NAV2: variants seen among roughly 807,000 people sequenced by gnomAD.
NAV2 encodes the protein helicase, APC down-regulated 1.
NAV2 carries 54 observed loss-of-function variants against 223.2 expected under a neutral mutation model. That is an observed-to-expected ratio of 0.24 (90% confidence interval 0.19 to 0.30). NAV2 has a LOEUF of 0.30. Among genes scored for constraint, NAV2 ranks in the 10% least tolerant of loss-of-function variants. The pLI is 1.00. For synonymous variants in NAV2, 1,279 were observed against 1,239.3 expected, an observed-to-expected ratio of 1.03 and a Z score of -0.67; for missense variants, 2,806 against 3,147.5, an observed-to-expected ratio of 0.89 and a Z score of 2.60.
intron 11 of NAV2, among the ~76,000 whole-genome samples, chr11:20,031,437 T>G (rs931844398): frequency 6.6e-6 from 1 of 152,224 alleles, no homozygotes; most frequent in African/African-American, 2.4e-5. Flanking sequence ...CCCATCTGAC[T>G]CTCAACCACA....
At chr11:19,732,541 T>C (rs1342357920) in intron 1 of NAV2, among the ~76,000 whole-genome samples, 1 of 152,132 alleles carries the variant, frequency 6.6e-6, no homozygotes, top group Non-Finnish European at 1.5e-5. Flanking sequence ...AATTATCAGG[T>C]GGAGAATGAA....
chr11:20,063,289 G>A (rs146745826), intron 20 of NAV2, among the ~76,000 whole-genome samples: 3 of 152,314 alleles, frequency 2.0e-5, no homozygotes, highest in East Asian at 1.9e-4. Flanking sequence ...TTTAGTAAAC[G>A]AAAGCCAAAT....
intron 1 of NAV2, among the ~76,000 whole-genome samples, chr11:19,714,712 G>A (rs2050147983): frequency 6.6e-6 from 1 of 152,152 alleles, no homozygotes; most frequent in Admixed American, 6.5e-5. Flanking sequence ...CGGGGCGTGG[G>A]GATGGGAGAT....
At chr11:19,681,190 G>A (rs1336980839) in intron 1 of NAV2, among the ~76,000 whole-genome samples, 1 of 152,366 alleles carries the variant, frequency 6.6e-6, no homozygotes, top group African/African-American at 2.4e-5. Context: ...GCCTGGCAGT[G>A]AGATTCTCTC....
At chr11:19,878,347 G>A (rs1245079533) in intron 4 of NAV2, among the ~76,000 whole-genome samples, 1 of 152,200 alleles carries the variant, frequency 6.6e-6, no homozygotes, top group Non-Finnish European at 1.5e-5. Context: ...GATGAATGAA[G>A]GACTTCACTG....
At chr11:19,607,175 T>A (rs951202899) in intron 1 of NAV2, among the ~76,000 whole-genome samples, 20 of 152,318 alleles carry the variant, frequency 1.3e-4, no homozygotes, top group Middle Eastern at 3.4e-3. Flanking sequence ...GCTCCTACCA[T>A]CCTTTCCAGT....
intron 1 of NAV2, among the ~76,000 whole-genome samples, chr11:19,686,648 A>T (rs1309605322): frequency 1.3e-5 from 2 of 152,218 alleles, no homozygotes; most frequent in African/African-American, 4.8e-5. Context: ...GGGCCTGCCC[A>T]GGTGGGGAGG....
intron 1 of NAV2, among the ~76,000 whole-genome samples, chr11:19,691,076 G>A (rs2049160637): frequency 6.6e-6 from 1 of 152,198 alleles, no homozygotes; most frequent in Non-Finnish European, 1.5e-5. Context: ...TGTAGGCTTT[G>A]CTACAGTAGA....
chr11:19,642,283 T>C (rs1407222009), intron 1 of NAV2, among the ~76,000 whole-genome samples: 1 of 152,212 alleles, frequency 6.6e-6, no homozygotes, highest in Non-Finnish European at 1.5e-5. Context: ...CCAGGGTGCT[T>C]CATCAGACCT....
chr11:20,044,923 G>T (rs1157051688), intron 13 of NAV2, 45 bp from the exon 14 acceptor site: 1 of 1,510,822 alleles, frequency 6.6e-7, no homozygotes, highest in Non-Finnish European at 9.0e-7. Context: ...AGATGGATGA[G>T]CTGGCTCTTG....
chr11:19,627,912 C>CAA lies in NAV2; in HGVS notation c.76-204557_76-204556dup, dbSNP rs72074806. 4.1e-4 allele frequency among the ~76,000 whole-genome samples: 49 copies of CAA among 119,512 alleles called. 1 individual carries two copies. The highest frequency in any genetic ancestry group is 1.8e-3 in the Admixed American group (20 of 11,382). The allele number at this position is 119,512 out of a possible 152,430, so 78.4% of individuals were successfully genotyped here. A position where few individuals can be genotyped will look rare whatever the true frequency, so the allele number is the denominator to read the frequency against. On this transcript the variant is annotated intron_variant, in intron 1 of 37. Transcript: ENST00000360655. ...ACCTGAGCCTTAGTTTCCTTGTTTTCAAAAAAAAAAAAAAAAGAAGAAGAA... is the reference window on the plus strand; with the variant it reads ...ACCTGAGCCTTAGTTTCCTTGTTTTCAAAAAAAAAAAAAAAAAAGAAGAAGAA...
At chr11:20,012,877 G>T (rs909580263) in intron 11 of NAV2, among the ~76,000 whole-genome samples, 1 of 152,246 alleles carries the variant, frequency 6.6e-6, no homozygotes, top group African/African-American at 2.4e-5. Context: ...CAGAAGCCTG[G>T]GGGCTTACCA....
chr11:19,628,410 C>G (rs1251422073), intron 1 of NAV2, among the ~76,000 whole-genome samples: 1 of 152,246 alleles, frequency 6.6e-6, no homozygotes, highest in African/African-American at 2.4e-5. Flanking sequence ...CGGCCTGCCT[C>G]AGGCTCCTGG....
In NAV2 at chr11:19,848,901, C is replaced by T. The variant is rs532259386; in HGVS notation, c.438+5978C>T. On this transcript the variant is annotated intron_variant, in intron 3 of 37. Coordinates refer to ENST00000349880, the MANE Select transcript of NAV2 (RefSeq NM_145117.5). The stretch of plus-strand genomic sequence containing the variant: ...CCCTGAGAGATCTCATGTCACAGAA[C>T]ACTGTGGTCAGTCTCGCTCAGTCCC... Among the ~76,000 whole-genome samples the T allele has an allele frequency of 2.1e-4, 32 of 152,298 alleles. No individual in the cohort carries two copies. In the South Asian group the frequency reaches 6.6e-3, roughly 32 times the overall value.
upstream of NAV2, among the ~76,000 whole-genome samples, chr11:19,346,390 C>A (rs908621752): frequency 3.9e-5 from 6 of 152,176 alleles, no homozygotes; most frequent in Non-Finnish European, 5.9e-5. Context: ...GCCAGGCCTG[C>A]GGTTCCCCTG....
chr11:20,077,770 C>G (rs932477815), intron 23 of NAV2, 135 bp downstream of exon 23: 7 of 761,456 alleles, frequency 9.2e-6, no homozygotes, highest in Admixed American at 6.8e-5. Context: ...TGTAAGGAGT[C>G]CAATCTGTTG....
At chr11:19,601,514 A>G (rs2046349565) in intron 1 of NAV2, among the ~76,000 whole-genome samples, 1 of 152,022 alleles carries the variant, frequency 6.6e-6, no homozygotes, top group Non-Finnish European at 1.5e-5. Flanking sequence ...ACTGAGTGGC[A>G]TTTTTTCCTT....
chr11:19,740,343 TA>T (rs1306196310), intron 1 of NAV2, among the ~76,000 whole-genome samples: 1 of 152,136 alleles, frequency 6.6e-6, no homozygotes, highest in Non-Finnish European at 1.5e-5. Flanking sequence ...TGTGCTTTGT[TA>T]AACAGATGCT....
intron 1 of NAV2, among the ~76,000 whole-genome samples, chr11:19,756,987 G>A (rs1374865086): frequency 2.0e-5 from 3 of 146,792 alleles, no homozygotes; most frequent in African/African-American, 7.3e-5. Flanking sequence ...ACCAAAACAG[G>A]AGGGGCTGCT....
Sources: gnomAD v4.1 joint callset for allele counts (sites outside exome capture counted in the v4.1 genomes callset) on GRCh38, gnomAD v4.1.1 for gene constraint, MANE v1.5 for transcripts, NCBI Gene and HGNC (gene_info 2026-07-23, HGNC 2026-07-21) for gene names.